Variants in CLIC2 observed in about 807,000 individuals in gnomAD.
The protein encoded by CLIC2 is CLIC family member 2, also known as chloride intracellular channel protein 2.
CLIC2 carries 9 observed loss-of-function variants against 14.8 expected under a neutral mutation model. The observed-to-expected ratio is 0.61, with a 90% CI of 0.37 to 1.06. The LOEUF (loss-of-function observed/expected upper bound fraction) is 1.06. Among genes scored for constraint, CLIC2 ranks in the 50% least tolerant of loss-of-function variants. The probability of loss-of-function intolerance (pLI) is 0.01; values close to 1 mark genes in which losing one functional copy is unlikely to be tolerated. For synonymous variants in CLIC2, 61 were observed against 66.3 expected (o/e 0.92, Z 0.39); for missense variants, 148 against 181.4 (o/e 0.82, Z 1.06).
At chrX:155,307,316 T>A (rs1269330880) in intron 1 of CLIC2, among the ~76,000 whole-genome samples, 12 of 110,536 alleles carry the variant, frequency 1.1e-4, no homozygotes, top group Non-Finnish European at 2.1e-4. Context: ...ATTAGATGAA[T>A]GGGCACGAAG....
chrX:155,319,308 C>T (rs5983779), intron 1 of CLIC2, among the ~76,000 whole-genome samples: 151 of 111,684 alleles, frequency 1.4e-3, no homozygotes, highest in African/African-American at 4.8e-3. Context: ...CAGCTCCCAG[C>T]GAGATCAACA....
At chrX:155,293,677 T>A (rs2074982816) in intron 3 of CLIC2, among the ~76,000 whole-genome samples, 1 of 111,681 alleles carries the variant, frequency 9.0e-6, no homozygotes, top group African/African-American at 3.3e-5. Context: ...GAGACTCACC[T>A]CACTAGTAAA....
intron 1 of CLIC2, among the ~76,000 whole-genome samples, chrX:155,319,325 G>C (rs901608816): frequency 9.0e-6 from 1 of 111,554 alleles, no homozygotes; most frequent in African/African-American, 3.3e-5. Flanking sequence ...AACACAGAAG[G>C]CAGGTGATTT....
intron 1 of CLIC2, among the ~76,000 whole-genome samples, 180 bp downstream of exon 1, chrX:155,334,191 T>C (rs782425579): frequency 3.8e-4 from 42 of 111,805 alleles, no homozygotes; most frequent in Non-Finnish European, 6.4e-4. Flanking sequence ...AGATCTGTTT[T>C]CCTGTTGTCA....
chrX:155,333,246 A>G (rs2075163037), intron 1 of CLIC2, among the ~76,000 whole-genome samples: 1 of 111,670 alleles, frequency 9.0e-6, no homozygotes, highest in African/African-American at 3.2e-5. Context: ...TTTGTAAGCC[A>G]TCAGGGAGCT....
At chrX:155,278,944 A>G (rs782481681) in intron 5 of CLIC2, 1 of 420,604 alleles carries the variant, frequency 2.4e-6, no homozygotes, top group Non-Finnish European at 4.1e-6. Flanking sequence ...AAAAAAGAAA[A>G]AAAAAGAAAC....
intron 3 of CLIC2, chrX:155,291,064 T>A: frequency 1.2e-6 from 1 of 818,056 alleles, no homozygotes; most frequent in Non-Finnish European, 1.8e-6. Flanking sequence ...AGAGTTGCTC[T>A]TGTTGCTGCA....
At chrX:155,330,737 G>A (rs782749649) in intron 1 of CLIC2, among the ~76,000 whole-genome samples, 14 of 110,853 alleles carry the variant, frequency 1.3e-4, no homozygotes, top group Non-Finnish European at 2.3e-4. Context: ...AAAGGTAAGC[G>A]TATGACTATG....
At chrX:155,311,664 A>G (rs112822930) in intron 1 of CLIC2, among the ~76,000 whole-genome samples, 154 of 111,562 alleles carry the variant, frequency 1.4e-3, no homozygotes, top group African/African-American at 4.9e-3. Flanking sequence ...CTTGGTACCA[A>G]TTTACTGTAT....
intron 1 of CLIC2, among the ~76,000 whole-genome samples, chrX:155,325,760 T>TGA (rs1315895186): frequency 3.1e-4 from 10 of 32,378 alleles, no homozygotes; most frequent in Non-Finnish European, 4.5e-4. Context: ...AAAGAAAATG[T>TGA]GATATATATA....
intron 1 of CLIC2, among the ~76,000 whole-genome samples, chrX:155,332,094 A>C (rs1446638320): frequency 8.9e-6 from 1 of 111,819 alleles, no homozygotes; most frequent in Admixed American, 9.5e-5. Flanking sequence ...ACTTAGAGAA[A>C]ATAAAATGTG....
In CLIC2 at chrX:155,299,196, T is replaced by C. The variant is rs782272592; in HGVS notation, c.58-51A>G. The C allele has an allele frequency of 2.9e-5, 28 of 978,411 alleles. No individual in the cohort carries two copies. The African/African-American group carries it at 5.1e-4, about 18-fold the overall frequency. The allele number at this position is 978,411 out of a possible 1,213,427, so 80.6% of individuals were successfully genotyped here. A position where few individuals can be genotyped will look rare whatever the true frequency, so the allele number is the denominator to read the frequency against. On this transcript the variant is annotated intron_variant, in intron 1 of 5. Transcript: ENST00000369449. ...TTCATTTGTTTGTTCAATAAGTATGTATTTAGTTCCTAATAGGAAATGAGC... is the reference window on the plus strand; with the variant it reads ...TTCATTTGTTTGTTCAATAAGTATGCATTTAGTTCCTAATAGGAAATGAGC...
At chrX:155,295,755 G>A (rs1197735371) in intron 3 of CLIC2, among the ~76,000 whole-genome samples, 1 of 110,970 alleles carries the variant, frequency 9.0e-6, no homozygotes, top group Admixed American at 9.6e-5. Flanking sequence ...AATGAAGATG[G>A]CAATTCCATT....
chrX:155,288,716 CA>C (rs2124160289), intron 3 of CLIC2, among the ~76,000 whole-genome samples: 1 of 111,923 alleles, frequency 8.9e-6, no homozygotes, highest in Non-Finnish European at 1.9e-5. Flanking sequence ...TATTTGTAAA[CA>C]AACAAAACCC....
intron 1 of CLIC2, among the ~76,000 whole-genome samples, chrX:155,299,965 C>T (rs1418374761): frequency 9.1e-6 from 1 of 110,384 alleles, no homozygotes; most frequent in Non-Finnish European, 1.9e-5. Flanking sequence ...TTTTCTGAAT[C>T]CAGTCTATCA....
chrX:155,309,511 A>T lies in CLIC2; in HGVS notation c.58-10366T>A, dbSNP rs975863107. On this transcript the variant is annotated intron_variant, in intron 1 of 5. Coordinates refer to ENST00000369449, the MANE Select transcript of CLIC2 (RefSeq NM_001289.6). ...CTGTTTCCATGCTGCTGATAAAGAC[A>T]TACATGAGACTGAGCAATTTACAAA... 3 of 258,874 alleles carry T rather than the reference A, an allele frequency of 1.2e-5. No homozygotes were observed. The South Asian group carries it at 1.2e-4, about 10-fold the overall frequency. The allele number at this position is 258,874 out of a possible 1,213,427, so 21.3% of individuals were successfully genotyped here. A position where few individuals can be genotyped will look rare whatever the true frequency, so the allele number is the denominator to read the frequency against.
chrX:155,293,507 G>GAAAA, intron 3 of CLIC2: 1 of 448,143 alleles, frequency 2.2e-6, no homozygotes, highest in Admixed American at 3.7e-5. Flanking sequence ...AAGAGAGAGA[G>GAAAA]AAAAAAAACA....
chrX:155,332,322 A>G (rs1271489859), intron 1 of CLIC2, among the ~76,000 whole-genome samples: 1 of 111,595 alleles, frequency 9.0e-6, no homozygotes, highest in Admixed American at 9.6e-5. Context: ...CCCTCCCAGT[A>G]TCTTCCACGA....
At chrX:155,305,906 A>T (rs1307739554) in intron 1 of CLIC2, among the ~76,000 whole-genome samples, 2 of 111,656 alleles carry the variant, frequency 1.8e-5, no homozygotes, top group African/African-American at 6.5e-5. Context: ...ATATTTCCTT[A>T]CTTTATTTTT....
Sources: allele counts gnomAD v4.1 joint callset (sites outside exome capture counted in the v4.1 genomes callset), GRCh38; gene constraint gnomAD v4.1.1; transcripts MANE v1.5; gene names NCBI Gene and HGNC (gene_info 2026-07-23, HGNC 2026-07-21).